Variants in RASA1 observed in about 807,000 individuals in gnomAD.
RASA1 encodes the protein ras GTPase-activating protein 1.
A neutral mutation model predicts 132.2 loss-of-function variants in RASA1; 25 were observed. That is an observed-to-expected ratio of 0.19 (90% CI 0.14 to 0.26). The LOEUF is 0.26. Ranked by LOEUF, RASA1 falls within the 10% of genes least tolerant of loss-of-function variation. RASA1 has a pLI of 1.00. For synonymous variants in RASA1, 477 were observed against 449.9 expected, an observed-to-expected ratio of 1.06 and a Z score of -0.76; for missense variants, 964 against 1,299.2, an observed-to-expected ratio of 0.74 and a Z score of 3.97.
At chr5:87,292,858 A>G (rs558112020) in intron 1 of RASA1, among the ~76,000 whole-genome samples, 1 of 152,144 alleles carries the variant, frequency 6.6e-6, no homozygotes, top group South Asian at 2.1e-4. Context: ...GATCCTGTAC[A>G]TATTTTGTTA....
At chr5:87,287,471 C>T (rs1561256945) in intron 1 of RASA1, among the ~76,000 whole-genome samples, 2 of 145,998 alleles carry the variant, frequency 1.4e-5, no homozygotes, top group East Asian at 2.0e-4. Flanking sequence ...TATATACACA[C>T]CATATATATA....
At chr5:87,279,080 CAA>C (rs990468634) in intron 1 of RASA1, among the ~76,000 whole-genome samples, 2 of 150,964 alleles carry the variant, frequency 1.3e-5, no homozygotes, top group African/African-American at 4.9e-5. Context: ...CTTGTCTCTA[CAA>C]AAAAAACAAA....
chr5:87,325,661 C>A (rs1453914173), intron 1 of RASA1, among the ~76,000 whole-genome samples: 2 of 152,144 alleles, frequency 1.3e-5, no homozygotes, highest in African/African-American at 4.8e-5. Context: ...AAGGAAAAAC[C>A]AAGTGGAAAG....
At chr5:87,301,789 T>C (rs901420382) in intron 1 of RASA1, among the ~76,000 whole-genome samples, 6 of 152,184 alleles carry the variant, frequency 3.9e-5, no homozygotes, top group Non-Finnish European at 8.8e-5. Context: ...ATTTTCAGAT[T>C]AGGGATACTC....
chr5:87,355,265 A>G (rs946692234), intron 9 of RASA1, among the ~76,000 whole-genome samples: 1 of 152,178 alleles, frequency 6.6e-6, no homozygotes, highest in African/African-American at 2.4e-5. Context: ...CGAAGCTTCA[A>G]AGGTCAGGCT....
chr5:87,336,560 A>G (rs927637046), intron 4 of RASA1, among the ~76,000 whole-genome samples: 1 of 152,114 alleles, frequency 6.6e-6, no homozygotes, highest in African/African-American at 2.4e-5. Context: ...ATAATATAGA[A>G]TGAGTTATGA....
chr5:87,368,692 A>C (rs1167787940), intron 11 of RASA1, among the ~76,000 whole-genome samples: 3 of 152,092 alleles, frequency 2.0e-5, no homozygotes, highest in Non-Finnish European at 4.4e-5. Context: ...CTATCAAACT[A>C]CTGGATTTGT....
chr5:87,374,727 CTGTT>C, intron 14 of RASA1, 109 bp from the exon 15 acceptor site: 2 of 1,414,454 alleles, frequency 1.4e-6, no homozygotes, highest in Admixed American at 2.0e-5. Context: ...GTCTAGCACA[CTGTT>C]TTTTTTTTTA....
chr5:87,299,137 G>A (rs946469308), intron 1 of RASA1, among the ~76,000 whole-genome samples: 2 of 152,144 alleles, frequency 1.3e-5, no homozygotes, highest in Non-Finnish European at 2.9e-5. Flanking sequence ...AAATACAGGA[G>A]TCCTATGAGT....
chr5:87,380,894 T>C (rs943548631), intron 20 of RASA1, among the ~76,000 whole-genome samples: 1 of 152,208 alleles, frequency 6.6e-6, no homozygotes, highest in Non-Finnish European at 1.5e-5. Flanking sequence ...TCATATAGTA[T>C]TCTTCATACA....
chr5:87,385,571 TA>T (rs1315848485), intron 22 of RASA1, among the ~76,000 whole-genome samples, 182 bp downstream of exon 22: 1 of 152,118 alleles, frequency 6.6e-6, no homozygotes, highest in Non-Finnish European at 1.5e-5. Context: ...AGTGGAACTT[TA>T]AAAAACACAA....
chr5:87,312,404 G>A (rs1755990857), intron 1 of RASA1, among the ~76,000 whole-genome samples: 1 of 152,134 alleles, frequency 6.6e-6, no homozygotes, highest in African/African-American at 2.4e-5. Context: ...TGAAGAATAT[G>A]TTATCTGTAT....
intron 1 of RASA1, chr5:87,294,288 C>T (rs1042353343): frequency 2.6e-5 from 4 of 152,234 alleles, no homozygotes; most frequent in African/African-American, 7.2e-5. Flanking sequence ...CTGTTTCCAA[C>T]CTGGGTGGTT....
intron 1 of RASA1, among the ~76,000 whole-genome samples, chr5:87,314,715 T>G (rs1262238893): frequency 3.3e-5 from 5 of 152,006 alleles, no homozygotes; most frequent in Non-Finnish European, 7.4e-5. Flanking sequence ...AGAGAAAGGC[T>G]GTGGGACGAA....
chr5:87,306,155 GAC>G (rs1755600251), intron 1 of RASA1, among the ~76,000 whole-genome samples: 1 of 152,158 alleles, frequency 6.6e-6, no homozygotes, highest in African/African-American at 2.4e-5. Context: ...CTATTATAAA[GAC>G]ACATGCACAT....
chr5:87,355,199 C>G (rs916948418), intron 9 of RASA1, among the ~76,000 whole-genome samples: 1 of 152,140 alleles, frequency 6.6e-6, no homozygotes, highest in African/African-American at 2.4e-5. Flanking sequence ...AAGAAAACAT[C>G]CTTCTATCTG....
rs1282243304 is a variant in RASA1, at chr5:87,391,903, A to G, written c.*1020A>G. ...CAAAGGTTAAGTTAAAATAAAACCA[A>G]GGGATATCTTGCATAATTGATTACT... On this transcript the variant is annotated 3_prime_UTR_variant, in exon 25 of 25. Coordinates refer to ENST00000274376, the MANE Select transcript of RASA1 (RefSeq NM_002890.3). 1 of 227,462 alleles carries G rather than the reference A, an allele frequency of 4.4e-6. No individual in the cohort carries two copies. The highest frequency in any genetic ancestry group is 8.7e-6 in the Non-Finnish European group (1 of 114,444). 14.1% of individuals were successfully genotyped at this position (227,462 alleles called of 1,614,324 possible). A position where few individuals can be genotyped will look rare whatever the true frequency, so the allele number is the denominator to read the frequency against.
chr5:87,281,129 TTC>T (rs377403901), intron 1 of RASA1, among the ~76,000 whole-genome samples: 2 of 152,246 alleles, frequency 1.3e-5, no homozygotes, highest in African/African-American at 4.8e-5. Flanking sequence ...CATATGGTAA[TTC>T]TGTTTTTAAT....
intron 1 of RASA1, among the ~76,000 whole-genome samples, chr5:87,317,546 A>G (rs1425332574): frequency 6.6e-6 from 1 of 151,712 alleles, no homozygotes; most frequent in African/African-American, 2.4e-5. Flanking sequence ...CTATGATTGT[A>G]GACATTGTGT....
Sources: gnomAD v4.1 joint callset for allele counts (sites outside exome capture counted in the v4.1 genomes callset) on GRCh38, gnomAD v4.1.1 for gene constraint, MANE v1.5 for transcripts, NCBI Gene and HGNC (gene_info 2026-07-23, HGNC 2026-07-21) for gene names.